Variants in RFX3 observed in about 807,000 individuals in gnomAD.
The protein encoded by RFX3 is transcription factor RFX3.
In RFX3, 14 loss-of-function variants were observed where a neutral mutation model predicts 98.6. The observed-to-expected ratio is 0.14, with a 90% confidence interval of 0.09 to 0.22. The LOEUF (loss-of-function observed/expected upper bound fraction) is 0.22. RFX3 is among the 10% of genes least tolerant of loss of function. The probability of loss-of-function intolerance (pLI) is 1.00; values close to 1 mark genes in which losing one functional copy is unlikely to be tolerated. For missense variants in RFX3, 639 were observed against 926.9 expected, an observed-to-expected ratio of 0.69 and a Z score of 4.03; for synonymous variants, 383 against 328.4, an observed-to-expected ratio of 1.17 and a Z score of -1.80.
chr9:3,525,526 C>T (rs1370816322), intron 1 of RFX3, among the ~76,000 whole-genome samples: 2 of 151,862 alleles, frequency 1.3e-5, no homozygotes, highest in Admixed American at 6.6e-5. Flanking sequence ...GGCGCGGCGC[C>T]CACACCCCCG....
At chr9:3,472,388 A>C (rs1848853910) in intron 1 of RFX3, among the ~76,000 whole-genome samples, 1 of 152,188 alleles carries the variant, frequency 6.6e-6, no homozygotes, top group African/African-American at 2.4e-5. Context: ...TAGATAACAC[A>C]CCCTAGTGAG....
chr9:3,305,067 G>A (rs1829116052), intron 4 of RFX3, among the ~76,000 whole-genome samples: 1 of 152,032 alleles, frequency 6.6e-6, no homozygotes, highest in Non-Finnish European at 1.5e-5. Context: ...TGTATTAAAA[G>A]ATGGAAGTGT....
chr9:3,413,727 C>T (rs1010935094), intron 1 of RFX3, among the ~76,000 whole-genome samples: 3 of 152,060 alleles, frequency 2.0e-5, no homozygotes, highest in South Asian at 2.1e-4. Flanking sequence ...ACAGTTGGAG[C>T]AAATATAAGC....
intron 2 of RFX3, among the ~76,000 whole-genome samples, chr9:3,388,115 C>G (rs1587458133): frequency 6.6e-6 from 1 of 152,182 alleles, no homozygotes; most frequent in East Asian, 1.9e-4. Context: ...GGGTTTCTTA[C>G]TGGTTGTAAC....
chr9:3,313,561 T>C (rs960030474), intron 4 of RFX3, among the ~76,000 whole-genome samples: 1 of 151,986 alleles, frequency 6.6e-6, no homozygotes, highest in Non-Finnish European at 1.5e-5. Context: ...CGATCGGCAA[T>C]AACAAACTTC....
At chr9:3,409,352 A>G (rs564007394) in intron 1 of RFX3, among the ~76,000 whole-genome samples, 1 of 152,376 alleles carries the variant, frequency 6.6e-6, no homozygotes, top group African/African-American at 2.4e-5. Context: ...CGTTTTAAGT[A>G]ACTAAAAAGC....
rs532967151 is a variant in RFX3, at chr9:3,273,824, T to C, written c.1086+1676A>G. Among the ~76,000 whole-genome samples the C allele has an allele frequency of 1.9e-4, 28 of 144,802 alleles. 2 individuals carry two copies. The South Asian group carries it at 2.4e-3, about 12-fold the overall frequency. The allele number at this position is 144,802 out of a possible 152,430, so 95.0% of individuals were successfully genotyped here. A position where few individuals can be genotyped will look rare whatever the true frequency, so the allele number is the denominator to read the frequency against. On this transcript the variant is annotated intron_variant, in intron 9 of 16. Coordinates refer to ENST00000617270, the MANE Select transcript of RFX3 (RefSeq NM_001282116.2). ...TGGTTGCAGTGAGCCGAGATCGCAC[T>C]ACTGCACTCCAGCCTGGGTGACAGA... is the stretch of plus-strand genomic sequence containing the variant.
chr9:3,474,668 T>C (rs1201649673), intron 1 of RFX3, among the ~76,000 whole-genome samples: 1 of 152,204 alleles, frequency 6.6e-6, no homozygotes, highest in African/African-American at 2.4e-5. Flanking sequence ...TGAATACAGA[T>C]TTGTCTCCAG....
intron 1 of RFX3, among the ~76,000 whole-genome samples, chr9:3,507,778 A>G (rs1817248012): frequency 6.6e-6 from 1 of 151,836 alleles, no homozygotes; most frequent in African/African-American, 2.4e-5. Flanking sequence ...GTTATACTGT[A>G]TTTACTTTTT....
At chr9:3,300,657 C>G (rs1252369125) in intron 5 of RFX3, among the ~76,000 whole-genome samples, 1 of 151,732 alleles carries the variant, frequency 6.6e-6, no homozygotes, top group African/African-American at 2.4e-5. Context: ...AACAAATTGT[C>G]AGTTGTGGGA....
chr9:3,431,249 G>C (rs892143262), intron 1 of RFX3, among the ~76,000 whole-genome samples: 5 of 152,028 alleles, frequency 3.3e-5, no homozygotes, highest in Non-Finnish European at 7.4e-5. Flanking sequence ...ATCATATTTA[G>C]TGCAATGCTA....
intron 1 of RFX3, among the ~76,000 whole-genome samples, chr9:3,464,488 C>G (rs2133106323): frequency 1.3e-5 from 2 of 152,258 alleles, no homozygotes; most frequent in East Asian, 3.9e-4. Context: ...ACATATACAG[C>G]TAAAATCTAA....
intron 2 of RFX3, chr9:3,364,549 A>G: frequency 5.9e-6 from 1 of 168,300 alleles, no homozygotes; most frequent in South Asian, 1.4e-4. Flanking sequence ...TGATGCCAAG[A>G]TGTGGCATAT....
chr9:3,507,743 T>C (rs945568473), intron 1 of RFX3, among the ~76,000 whole-genome samples: 2 of 152,024 alleles, frequency 1.3e-5, no homozygotes, highest in African/African-American at 4.8e-5. Flanking sequence ...TAATTCCTAA[T>C]ACAATGTAAG....
intron 1 of RFX3, chr9:3,524,713 A>C (rs913909181): frequency 1.4e-6 from 1 of 713,958 alleles, no homozygotes; most frequent in Non-Finnish European, 1.7e-6. Flanking sequence ...GAGGATCATC[A>C]AAGTGAAACG....
intron 6 of RFX3, 59 bp downstream of exon 6, chr9:3,293,018 T>C: frequency 3.7e-6 from 5 of 1,348,218 alleles, no homozygotes; most frequent in Non-Finnish European, 4.1e-6. Context: ...AACAATATAT[T>C]GAATTGCCCT....
chr9:3,280,329 G>C (rs1402591643), intron 7 of RFX3, among the ~76,000 whole-genome samples: 1 of 151,818 alleles, frequency 6.6e-6, no homozygotes. Context: ...AAGTATGAGA[G>C]AGCTTCCAGG....
At chr9:3,371,550 A>G (rs1011367457) in intron 2 of RFX3, among the ~76,000 whole-genome samples, 1 of 152,176 alleles carries the variant, frequency 6.6e-6, no homozygotes, top group Non-Finnish European at 1.5e-5. Context: ...ATGAAGTTTT[A>G]CATGTGGCCA....
chr9:3,242,233 T>C (rs1356307913), intron 15 of RFX3, among the ~76,000 whole-genome samples: 1 of 152,154 alleles, frequency 6.6e-6, no homozygotes, highest in Non-Finnish European at 1.5e-5. Flanking sequence ...AAGGTTTCAA[T>C]CAGTATCAAA....
Sources: allele counts gnomAD v4.1 joint callset (sites outside exome capture counted in the v4.1 genomes callset), GRCh38; gene constraint gnomAD v4.1.1; transcripts MANE v1.5; gene names NCBI Gene and HGNC (gene_info 2026-07-23, HGNC 2026-07-21).